Variants in ARAP2 observed in about 807,000 individuals in gnomAD.
ARAP2 encodes the protein ArfGAP with RhoGAP domain, ankyrin repeat and PH domain 2.
Under a neutral mutation model 194.5 loss-of-function variants are expected in ARAP2, and 148 were observed. That is an observed-to-expected ratio of 0.76 (90% CI 0.67 to 0.87). The LOEUF is 0.87. ARAP2 is among the 40% of genes least tolerant of loss of function. ARAP2 has a pLI of 0.00. For missense variants in ARAP2, 2,128 were observed against 1,989.7 expected, an observed-to-expected ratio of 1.07 and a Z score of -1.32; for synonymous variants, 695 against 683.5, an observed-to-expected ratio of 1.02 and a Z score of -0.26.
chr4:36,149,606 A>G (rs1730462911), intron 16 of ARAP2, among the ~76,000 whole-genome samples: 1 of 152,204 alleles, frequency 6.6e-6, no homozygotes, highest in African/African-American at 2.4e-5. Context: ...AAACATATTA[A>G]TATGCTGATA....
At chr4:36,050,060 A>G (rs1264205845) in intron 3 of ARAP2, among the ~76,000 whole-genome samples, 1 of 152,162 alleles carries the variant, frequency 6.6e-6, no homozygotes, top group Non-Finnish European at 1.5e-5. Flanking sequence ...AGAGGTTTTT[A>G]TAGTTGCATG....
At chr4:36,127,593 C>CAT (rs1367686452) in intron 21 of ARAP2, among the ~76,000 whole-genome samples, 1 of 151,812 alleles carries the variant, frequency 6.6e-6, no homozygotes, top group African/African-American at 2.4e-5. Context: ...AGAGGAATGC[C>CAT]ATGTGACTAG....
chr4:36,062,233 C>G (rs1305522653), downstream of ARAP2, among the ~76,000 whole-genome samples: 1 of 152,088 alleles, frequency 6.6e-6, no homozygotes, highest in East Asian at 1.9e-4. Context: ...GCCCGTTGTC[C>G]TAAAAAGTTT....
At chr4:36,116,176 A>G (rs1721264529) in intron 25 of ARAP2, among the ~76,000 whole-genome samples, 1 of 151,984 alleles carries the variant, frequency 6.6e-6, no homozygotes, top group Admixed American at 6.6e-5. Flanking sequence ...TTTCAGCTTC[A>G]TGTACTAAGT....
chr4:36,068,379 C>G, intron 32 of ARAP2, 101 bp from the exon 33 acceptor site: 3 of 1,299,066 alleles, frequency 2.3e-6, no homozygotes, highest in African/African-American at 1.5e-5. Flanking sequence ...TATAAAAGAT[C>G]TCATTTCTAT....
intron 6 of ARAP2, among the ~76,000 whole-genome samples, chr4:36,209,661 A>G (rs1420045239): frequency 6.6e-6 from 1 of 152,200 alleles, no homozygotes; most frequent in Non-Finnish European, 1.5e-5. Context: ...AGCTACTGAT[A>G]CATGAAAGCT....
intron 1 of ARAP2, among the ~76,000 whole-genome samples, chr4:36,231,805 G>C (rs943004161): frequency 6.6e-6 from 1 of 152,056 alleles, no homozygotes; most frequent in Non-Finnish European, 1.5e-5. Context: ...CAAGGAATGA[G>C]GTGACCTACC....
intron 22 of ARAP2, among the ~76,000 whole-genome samples, chr4:36,122,663 A>G (rs757645973): frequency 1.3e-5 from 2 of 151,768 alleles, no homozygotes; most frequent in Non-Finnish European, 2.9e-5. Flanking sequence ...TACTAGGCTT[A>G]ATACCCGGAT....
At chr4:36,007,475 T>A (rs1370526628) in intron 9 of ARAP2, among the ~76,000 whole-genome samples, 1 of 152,172 alleles carries the variant, frequency 6.6e-6, no homozygotes, top group Non-Finnish European at 1.5e-5. Context: ...CCAAAAATTG[T>A]TTGAAGCTAC....
intron 26 of ARAP2, among the ~76,000 whole-genome samples, chr4:36,112,570 C>A (rs1330656998): frequency 6.6e-6 from 1 of 151,600 alleles, no homozygotes; most frequent in African/African-American, 2.4e-5. Flanking sequence ...TAAAATTAAA[C>A]AAAGACAAAA....
intron 15 of ARAP2, among the ~76,000 whole-genome samples, chr4:36,156,465 GAAAT>G (rs1732550194): frequency 6.3e-5 from 7 of 111,946 alleles, no homozygotes; most frequent in South Asian, 3.1e-4. Flanking sequence ...AAGAAAGAAA[GAAAT>G]GAAAGAGAAG....
intron 28 of ARAP2, among the ~76,000 whole-genome samples, chr4:36,087,936 T>C (rs6812542): frequency 0.21 from 32,333 of 151,998 alleles, 4,902 homozygotes; most frequent in African/African-American, 0.43. Flanking sequence ...TGAGAGTCTT[T>C]CTTCATCTGC....
intron 6 of ARAP2, among the ~76,000 whole-genome samples, chr4:36,208,046 A>C (rs564219563): frequency 7.5e-4 from 114 of 152,358 alleles, no homozygotes; most frequent in African/African-American, 2.6e-3. Flanking sequence ...AGCAATGCTG[A>C]TGCCTGTCCC....
chr4:36,180,176 G>A (rs1738902563), intron 8 of ARAP2, among the ~76,000 whole-genome samples: 1 of 152,074 alleles, frequency 6.6e-6, no homozygotes, highest in African/African-American at 2.4e-5. Flanking sequence ...GGAGGCTGAG[G>A]CATGAGAATA....
At chr4:36,138,301 C>T (rs1232353798) in intron 19 of ARAP2, among the ~76,000 whole-genome samples, 1 of 151,596 alleles carries the variant, frequency 6.6e-6, no homozygotes, top group Non-Finnish European at 1.5e-5. Flanking sequence ...GTGTAACTAC[C>T]ACCATGATTA....
intron 28 of ARAP2, among the ~76,000 whole-genome samples, chr4:36,084,554 A>C (rs1188420748): frequency 6.6e-6 from 1 of 152,128 alleles, no homozygotes; most frequent in Non-Finnish European, 1.5e-5. Context: ...AAATTAATGA[A>C]AATTATCCTA....
chr4:36,117,462 CA>C (rs1415707637), intron 24 of ARAP2, among the ~76,000 whole-genome samples: 1 of 151,620 alleles, frequency 6.6e-6, no homozygotes, highest in Non-Finnish European at 1.5e-5. Context: ...GCTGTGACAA[CA>C]GAAGTTGTAG....
At chr4:36,205,679 GA>G (rs1745394068) in intron 6 of ARAP2, among the ~76,000 whole-genome samples, 1 of 151,964 alleles carries the variant, frequency 6.6e-6, no homozygotes, top group Non-Finnish European at 1.5e-5. Context: ...TTTTCCAAAT[GA>G]TTTCACAGAG....
At chr4:36,232,111 T>C (rs1751591000) in intron 1 of ARAP2, among the ~76,000 whole-genome samples, 1 of 152,210 alleles carries the variant, frequency 6.6e-6, no homozygotes, top group African/African-American at 2.4e-5. Flanking sequence ...AAATGGATCT[T>C]GGACTTCTCA....
Sources: allele counts gnomAD v4.1 joint callset (sites outside exome capture counted in the v4.1 genomes callset), GRCh38; gene constraint gnomAD v4.1.1; transcripts MANE v1.5; gene names NCBI Gene and HGNC (gene_info 2026-07-23, HGNC 2026-07-21).